Variants in SLC6A2 observed in about 807,000 individuals in gnomAD.
The protein encoded by SLC6A2 is sodium-dependent noradrenaline transporter.
A neutral mutation model predicts 71.7 loss-of-function variants in SLC6A2; 26 were observed. The ratio of observed to expected loss-of-function variants is 0.36; its 90% CI spans 0.27 to 0.50. The LOEUF (loss-of-function observed/expected upper bound fraction) is 0.50. SLC6A2 is among the 20% of genes least tolerant of loss of function. The pLI is 0.96. For missense variants in SLC6A2, 581 were observed against 803.9 expected (o/e 0.72, Z 3.35); for synonymous variants, 363 against 337.9 (o/e 1.07, Z -0.82).
rs368779871 is a variant in SLC6A2, at chr16:55,682,556, A to G, written c.645-2587A>G. ...TCATGAGCTAACAGGTCTAACTGCC[A>G]GTTCTGGGCTTAGCACTGGGGACCA... On this transcript the variant is annotated intron_variant, in intron 4 of 14. Coordinates refer to ENST00000568943, the MANE Select transcript of SLC6A2 (RefSeq NM_001172501.3). Among the ~76,000 whole-genome samples, 17 of 152,336 alleles carry G rather than the reference A, an allele frequency of 1.1e-4. No individual in the cohort carries two copies. In the East Asian group the frequency reaches 2.1e-3, roughly 19 times the overall value.
At chr16:55,687,566 C>G (rs55989909) in intron 5 of SLC6A2, among the ~76,000 whole-genome samples, 43,740 of 110,268 alleles carry the variant, frequency 0.4, 7,198 homozygotes, top group Middle Eastern at 0.49. Context: ...GTCTAGCACT[C>G]TCTGTGCCTT....
chr16:55,700,431 C>A, intron 13 of SLC6A2, 125 bp downstream of exon 13: 1 of 777,870 alleles, frequency 1.3e-6, no homozygotes. Context: ...TCAAACGGAC[C>A]CACCTCATTG....
intron 6 of SLC6A2, among the ~76,000 whole-genome samples, chr16:55,693,051 A>G (rs1478820963): frequency 2.0e-5 from 3 of 152,180 alleles, no homozygotes; most frequent in African/African-American, 7.2e-5. Context: ...GTCTTCCCCC[A>G]TCAGATCATG....
At chr16:55,659,718 AAAC>A (rs1484028838) in intron 2 of SLC6A2, among the ~76,000 whole-genome samples, 2 of 152,256 alleles carry the variant, frequency 1.3e-5, no homozygotes, top group East Asian at 1.9e-4. Flanking sequence ...CCGTATTCAG[AAAC>A]AACAACAGAA....
intron 4 of SLC6A2, 131 bp from the exon 5 acceptor site, chr16:55,685,012 C>A: frequency 1.1e-6 from 1 of 880,800 alleles, no homozygotes; most frequent in Non-Finnish European, 1.8e-6. Context: ...GGCTAGGGTC[C>A]CTGAGTTAGG....
chr16:55,690,984 G>A (rs529869415), intron 5 of SLC6A2, among the ~76,000 whole-genome samples: 11 of 152,066 alleles, frequency 7.2e-5, no homozygotes, highest in African/African-American at 2.2e-4. Flanking sequence ...AATAAGGTAC[G>A]TTGTCTGTGT....
intron 6 of SLC6A2, among the ~76,000 whole-genome samples, chr16:55,693,522 C>G (rs1965701947): frequency 6.6e-6 from 1 of 152,254 alleles, no homozygotes; most frequent in African/African-American, 2.4e-5. Context: ...CTTCAGGCCT[C>G]CGGCCATGTG....
Position 55,702,988 on chromosome 16 carries a change from G to C in SLC6A2, c.*642G>C. ...TTTTCACTCTGGCCAATCTGAGTTT[G>C]ATGTGTGTGTTCTGGAACATTCCTC... is the stretch of plus-strand genomic sequence containing the variant. On this transcript the variant is annotated 3_prime_UTR_variant, in exon 15 of 15. Transcript: ENST00000568943. 1 of 988,076 alleles carries C rather than the reference G, an allele frequency of 1.0e-6. No homozygotes were observed. Among genetic ancestry groups the C allele is most frequent in the Non-Finnish European group, 1.2e-6 (1 of 831,654 alleles). The allele number at this position is 988,076 out of a possible 1,614,324, so 61.2% of individuals were successfully genotyped here.
At chr16:55,679,065 G>T (rs957778707) in intron 4 of SLC6A2, among the ~76,000 whole-genome samples, 1 of 152,112 alleles carries the variant, frequency 6.6e-6, no homozygotes, top group Non-Finnish European at 1.5e-5. Flanking sequence ...CAAGTTTCAG[G>T]GCAAGGATGA....
At chr16:55,683,612 TCAAACAAACAAA>T (rs55763616) in intron 4 of SLC6A2, among the ~76,000 whole-genome samples, 2 of 150,664 alleles carry the variant, frequency 1.3e-5, no homozygotes, top group Non-Finnish European at 3.0e-5. Flanking sequence ...AAACTCCGTC[TCAAACAAACAAA>T]CAAACAAACA....
intron 4 of SLC6A2, among the ~76,000 whole-genome samples, chr16:55,684,937 A>G (rs1965400030): frequency 6.6e-6 from 1 of 152,214 alleles, no homozygotes; most frequent in South Asian, 2.1e-4. Flanking sequence ...TGCCTCTTCT[A>G]GGACAGAGTG....
rs1965647159 is a variant in SLC6A2 at position 55,691,988 on chromosome 16, C to T, written c.854C>T (p.Pro285Leu). Residue 285 changes from proline to leucine, a missense_variant, in exon 6 of 15, where the codon CCC becomes CTC. Pro to Leu is a moderately conservative substitution (Grantham distance 98, BLOSUM62 -3). Coordinates refer to ENST00000568943, the MANE Select transcript of SLC6A2 (RefSeq NM_001172501.3). Reference sequence around the variant, plus strand: ...CTCCTGGTCCATGGCGTCACGCTGCCCGGAGCCTCCAATGGCATCAATGCC... The same window carrying T: ...CTCCTGGTCCATGGCGTCACGCTGCTCGGAGCCTCCAATGGCATCAATGCC... Reference protein sequence around the residue: ...FVLLVHGVTLPGASNGINAYL... With the variant: ...FVLLVHGVTLLGASNGINAYL... The T allele has an allele frequency of 6.2e-7, 1 of 1,614,196 alleles. No homozygotes were observed. The highest frequency in any genetic ancestry group is 1.1e-5 in the South Asian group (1 of 91,074).
intron 3 of SLC6A2, among the ~76,000 whole-genome samples, chr16:55,670,981 T>C (rs1431396062): frequency 3.9e-5 from 6 of 152,152 alleles, no homozygotes; most frequent in Non-Finnish European, 8.8e-5. Context: ...GAACTACCCC[T>C]AAAGGAGCTT....
chr16:55,657,770 A>C (rs578116692), intron 2 of SLC6A2, among the ~76,000 whole-genome samples: 45 of 152,226 alleles, frequency 3.0e-4, no homozygotes, highest in African/African-American at 1.1e-3. Context: ...GGATGGTCCA[A>C]CTGGCCACCT....
chr16:55,658,910 G>A (rs1003145506), intron 2 of SLC6A2, among the ~76,000 whole-genome samples: 16 of 152,292 alleles, frequency 1.1e-4, no homozygotes, highest in East Asian at 7.7e-4. Flanking sequence ...CCTCTCAAGC[G>A]TTACTGGGCA....
chr16:55,669,972 G>A (rs71393092), intron 3 of SLC6A2, among the ~76,000 whole-genome samples: 14,133 of 152,184 alleles, frequency 0.093, 830 homozygotes, highest in Non-Finnish European at 0.12. Context: ...AAATTTTTAC[G>A]TAAGTATCAG....
intron 13 of SLC6A2, among the ~76,000 whole-genome samples, chr16:55,700,653 C>G (rs1032769340): frequency 2.6e-5 from 4 of 152,158 alleles, no homozygotes; most frequent in Non-Finnish European, 5.9e-5. Context: ...ATGTCTCTGT[C>G]TAAGATTTGT....
Position 55,698,062 on chromosome 16 carries a change from T to C in SLC6A2, c.1389+37T>C, listed in dbSNP as rs1348244345. The C allele has an allele frequency of 2.5e-6, 4 of 1,609,148 alleles. No homozygotes were observed. In the East Asian group the frequency reaches 6.7e-5, roughly 27 times the overall value. On this transcript the variant is annotated intron_variant, in intron 10 of 14. Transcript: ENST00000568943. The stretch of plus-strand genomic sequence containing the variant: ...CTGGGCTCTGGGTCACCTGGGGGCC[T>C]CTGAGGCCGCATTTCAATAAAGTCA...
rs184191909 is a variant in SLC6A2, at chr16:55,697,643, C to G, written c.1261-254C>G. Among the ~76,000 whole-genome samples, 64 of 152,318 alleles carry G rather than the reference C, an allele frequency of 4.2e-4. No individual in the cohort carries two copies. In the Middle Eastern group the frequency reaches 0.014, roughly 32 times the overall value. On this transcript the variant is annotated intron_variant, in intron 9 of 14. Coordinates refer to ENST00000568943, the MANE Select transcript of SLC6A2 (RefSeq NM_001172501.3). ...TGAGTGAGTGTCAGGAGACAGGTAG[C>G]TGTTGCGTAGGGGAGACAGGTGTTG...
Sources: gnomAD v4.1 joint callset for allele counts (sites outside exome capture counted in the v4.1 genomes callset) on GRCh38, gnomAD v4.1.1 for gene constraint, MANE v1.5 for transcripts, NCBI Gene and HGNC (gene_info 2026-07-23, HGNC 2026-07-21) for gene names.